TMPRSS11B: variants seen among roughly 807,000 people sequenced by gnomAD.
TMPRSS11B encodes transmembrane protease serine 11B.
In TMPRSS11B, 53 loss-of-function variants were observed where a neutral mutation model predicts 44.7. The observed-to-expected ratio is 1.19, with a 90% CI of 0.95 to 1.49. The LOEUF (loss-of-function observed/expected upper bound fraction) is 1.49, where lower values mean the gene tolerates loss of function less well. TMPRSS11B is among the 40% of genes most tolerant of loss of function. TMPRSS11B has a pLI of 0.00. For missense variants in TMPRSS11B, 526 were observed against 494.8 expected (o/e 1.06, Z -0.60); for synonymous variants, 140 against 159.2 (o/e 0.88, Z 0.91).
At position 68,243,965 on chromosome 4, in the gene TMPRSS11B, C is replaced by T. The variant is rs1220661000; in HGVS notation, c.8+1586G>A. Among the ~76,000 whole-genome samples, 5 of 152,086 alleles carry T rather than the reference C, an allele frequency of 3.3e-5. No individual in the cohort carries two copies. In the South Asian group the frequency reaches 6.2e-4, roughly 19 times the overall value. ...CTTTTTCCTCCTCACATGGCTTTCT[C>T]TTGTCAAAAATAATTTAAAGTACTA... is the stretch of plus-strand genomic sequence containing the variant. On this transcript the variant is annotated intron_variant, in intron 1 of 9. Transcript: ENST00000332644.
intron 2 of TMPRSS11B, 59 bp from the exon 3 acceptor site, chr4:68,236,325 C>A: frequency 9.9e-7 from 1 of 1,013,820 alleles, no homozygotes; most frequent in South Asian, 1.5e-5. Context: ...GACTTTAAAG[C>A]GATTTATACC....
intron 9 of TMPRSS11B, among the ~76,000 whole-genome samples, chr4:68,228,419 T>A (rs1719414611): frequency 6.6e-6 from 1 of 152,120 alleles, no homozygotes; most frequent in South Asian, 2.1e-4. Flanking sequence ...TCCTGATGCA[T>A]CTCTGGATAA....
intron 1 of TMPRSS11B, among the ~76,000 whole-genome samples, chr4:68,242,223 TA>T (rs1560445348): frequency 2.3e-5 from 2 of 86,050 alleles, no homozygotes; most frequent in Admixed American, 3.8e-4. Flanking sequence ...TATAATATTA[TA>T]TTATATTATA....
intron 7 of TMPRSS11B, among the ~76,000 whole-genome samples, chr4:68,230,507 A>G (rs754845868): frequency 1.3e-5 from 2 of 152,116 alleles, no homozygotes; most frequent in African/African-American, 2.4e-5. Flanking sequence ...TTCAGTTTCT[A>G]TTATTTAAGA....
chr4:68,241,667 A>C (rs1258413632), intron 2 of TMPRSS11B, 22 bp downstream of exon 2: 1 of 1,432,856 alleles, frequency 7.0e-7, no homozygotes, highest in Non-Finnish European at 9.8e-7. Context: ...AAGGATGAAA[A>C]CTGAAAATAA....
chr4:68,229,283 G>T lies in TMPRSS11B; in HGVS notation c.920C>A (p.Thr307Lys), dbSNP rs2109954387. The T allele has an allele frequency of 6.2e-7, 1 of 1,610,470 alleles. No homozygotes were observed. The highest frequency in any genetic ancestry group is 2.2e-5 in the East Asian group (1 of 44,804). ...ATTCATATAAAGTGTTCCCCAACCTGTAACTACAACATTGTCATTTTCTGA... is the reference window on the plus strand; with the variant it reads ...ATTCATATAAAGTGTTCCCCAACCTTTAACTACAACATTGTCATTTTCTGA... ...KLSENDNVVV[T>K]GWGTLYMNGS... Residue 307 changes from threonine (T) to lysine (K), a missense_variant, in exon 8 of 10, where the codon ACA becomes AAA. Coordinates refer to ENST00000332644, the MANE Select transcript of TMPRSS11B (RefSeq NM_182502.3).
At chr4:68,242,311 A>ATTAT (rs1560445587) in intron 1 of TMPRSS11B, among the ~76,000 whole-genome samples, 1 of 7,438 alleles carries the variant, frequency 1.3e-4, no homozygotes, top group South Asian at 8.6e-3. Flanking sequence ...TAATATATAT[A>ATTAT]ATATTATATA....
chr4:68,235,965 T>G, intron 4 of TMPRSS11B, 37 bp downstream of exon 4: 2 of 1,349,822 alleles, frequency 1.5e-6, no homozygotes, highest in Non-Finnish European at 2.0e-6. Flanking sequence ...TATCACCTAC[T>G]TTCCTTTCAT....
At position 68,228,149 on chromosome 4, in the gene TMPRSS11B, A is replaced by T. The variant is rs113069286; in HGVS notation, c.1090-77T>A. 2.8e-4 allele frequency: 379 copies of T among 1,339,074 alleles called. 1 individual carries two copies. The African/African-American group carries it at 4.0e-3, about 14-fold the overall frequency. 82.9% of individuals were successfully genotyped at this position (1,339,074 alleles called of 1,614,324 possible). ...TTACCTCTCCTGTGGAGTTATCTGTACCTCCTGGGCACTGAAACCAATTCA... is the reference window on the plus strand; with the variant it reads ...TTACCTCTCCTGTGGAGTTATCTGTTCCTCCTGGGCACTGAAACCAATTCA... On this transcript the variant is annotated intron_variant, in intron 9 of 9. Transcript: ENST00000332644.
chr4:68,242,114 T>C (rs1352080188), intron 1 of TMPRSS11B, among the ~76,000 whole-genome samples: 1 of 141,550 alleles, frequency 7.1e-6, no homozygotes, highest in African/African-American at 2.6e-5. Flanking sequence ...AAAACATTAG[T>C]TGTAGTCTGA....
In TMPRSS11B at chr4:68,242,315, TTA is replaced by T. The variant is rs1170620829; in HGVS notation, c.9-513_9-512del. On this transcript the variant is annotated intron_variant, in intron 1 of 9. Transcript: ENST00000332644. Reference sequence around the variant, plus strand: ...TATACATAATATAATATATATAATATTATATATATAATATTATATTATATATA... The same window carrying T: ...TATACATAATATAATATATATAATATTATATATAATATTATATTATATATA... Among the ~76,000 whole-genome samples, 117 of 74,570 alleles carry T rather than the reference TTA, an allele frequency of 1.6e-3. 2 individuals are homozygous for T. In the South Asian group the frequency reaches 0.025, roughly 16 times the overall value. The allele number at this position is 74,570 out of a possible 152,430, so 48.9% of individuals were successfully genotyped here.
Position 68,236,175 on chromosome 4 carries a change from A to C in TMPRSS11B, c.216T>G (p.Asn72Lys). The C allele has an allele frequency of 1.2e-6, 2 of 1,610,772 alleles. No homozygotes were observed. ...CENAASQAST[N>K]LSKDIETKML... ...CCTTAGTCTCAATATCTTTGCTTAG[A>C]TTTGTGCTGGCTTGTGAAGCTGCGT... Residue 72 changes from asparagine (N) to lysine (K), a missense_variant, in exon 3 of 10, where the codon AAT (asparagine) becomes AAG (lysine). Coordinates refer to ENST00000332644, the MANE Select transcript of TMPRSS11B (RefSeq NM_182502.3).
intron 1 of TMPRSS11B, among the ~76,000 whole-genome samples, chr4:68,245,193 A>C (rs1438372192): frequency 6.6e-6 from 1 of 152,192 alleles, no homozygotes; most frequent in Non-Finnish European, 1.5e-5. Flanking sequence ...AAAACCTTTT[A>C]ATATTAGAAA....
chr4:68,228,660 A>T, intron 9 of TMPRSS11B, 82 bp downstream of exon 9: 1 of 1,441,682 alleles, frequency 6.9e-7, no homozygotes, highest in Non-Finnish European at 9.4e-7. Flanking sequence ...CAGTATTATT[A>T]ACACAAAAAA....
At chr4:68,243,396 G>A (rs936152686) in intron 1 of TMPRSS11B, among the ~76,000 whole-genome samples, 4 of 151,818 alleles carry the variant, frequency 2.6e-5, no homozygotes, top group African/African-American at 4.8e-5. Flanking sequence ...ACCTAAATTT[G>A]TTTCCTCTTC....
chr4:68,236,378 T>G, intron 2 of TMPRSS11B, 112 bp from the exon 3 acceptor site: 1 of 666,642 alleles, frequency 1.5e-6, no homozygotes, highest in South Asian at 2.0e-5. Flanking sequence ...AATCCATTTA[T>G]ACCTCTGCCT....
At chr4:68,245,408 C>A in intron 1 of TMPRSS11B, 143 bp downstream of exon 1, 1 of 911,126 alleles carries the variant, frequency 1.1e-6, no homozygotes, top group Non-Finnish European at 1.8e-6. Context: ...GTCTGTAGAC[C>A]TCAGACAATA....
chr4:68,228,121 CT>C (rs772582913), intron 9 of TMPRSS11B, 49 bp from the exon 10 acceptor site: 2 of 1,504,996 alleles, frequency 1.3e-6, no homozygotes, highest in Non-Finnish European at 1.8e-6. Flanking sequence ...AAAAAATTTC[CT>C]TTTACCTCTC....
At chr4:68,231,465 C>G in intron 6 of TMPRSS11B, 85 bp from the exon 7 acceptor site, 1 of 1,244,616 alleles carries the variant, frequency 8.0e-7, no homozygotes, top group South Asian at 1.6e-5. Context: ...TACTTGAAAC[C>G]TTTCAGTGAT....
Sources: allele counts gnomAD v4.1 joint callset (sites outside exome capture counted in the v4.1 genomes callset), GRCh38; gene constraint gnomAD v4.1.1; transcripts MANE v1.5; gene names NCBI Gene and HGNC (gene_info 2026-07-23, HGNC 2026-07-21).